Variants in MAP4K4 observed in about 807,000 individuals in gnomAD.
MAP4K4 encodes the protein HPK/GCK-like kinase HGK.
Under a neutral mutation model 189.6 loss-of-function variants are expected in MAP4K4, and 38 were observed. That is an observed-to-expected ratio of 0.20 (90% CI 0.15 to 0.26). The LOEUF (loss-of-function observed/expected upper bound fraction) is 0.26. Among genes scored for constraint, MAP4K4 ranks in the 10% least tolerant of loss-of-function variants. The pLI is 1.00. For missense variants in MAP4K4, 1,054 were observed against 1,726.9 expected, an observed-to-expected ratio of 0.61 and a Z score of 6.91; for synonymous variants, 610 against 624.3, an observed-to-expected ratio of 0.98 and a Z score of 0.34.
At chr2:101,894,621 A>G (rs1577609104) in exon 33 of MAP4K4, 1 of 152,612 alleles carries the variant, frequency 6.6e-6, no homozygotes, top group Admixed American at 6.5e-5. Context: ...TAACTTGTCT[A>G]CTGTGTATTA....
chr2:101,883,716 A>G (rs1442559504), intron 28 of MAP4K4, among the ~76,000 whole-genome samples: 12 of 151,880 alleles, frequency 7.9e-5, no homozygotes. Flanking sequence ...TCTTTTTTCT[A>G]TGTTTATGAA....
intron 2 of MAP4K4, among the ~76,000 whole-genome samples, chr2:101,722,168 C>T (rs188938333): frequency 4.0e-4 from 61 of 152,282 alleles, no homozygotes; most frequent in Middle Eastern, 3.4e-3. Flanking sequence ...AGAGTCCTAA[C>T]CATGTCTGTA....
At chr2:101,795,296 GTTA>G (rs1274867279) in intron 3 of MAP4K4, among the ~76,000 whole-genome samples, 5 of 152,166 alleles carry the variant, frequency 3.3e-5, no homozygotes, top group Non-Finnish European at 7.3e-5. Flanking sequence ...GCTTAGGTTA[GTTA>G]TTATTGCAAA....
intron 2 of MAP4K4, among the ~76,000 whole-genome samples, chr2:101,713,260 C>T (rs571768549): frequency 6.6e-6 from 1 of 152,146 alleles, no homozygotes; most frequent in Admixed American, 6.5e-5. Context: ...AGGTACTTTG[C>T]TATGCCAGTG....
At chr2:101,754,722 T>C (rs759491357) in intron 2 of MAP4K4, among the ~76,000 whole-genome samples, 1 of 152,222 alleles carries the variant, frequency 6.6e-6, no homozygotes, top group Non-Finnish European at 1.5e-5. Flanking sequence ...CTTGGGAATA[T>C]GCCCAGAGAA....
chr2:101,823,488 C>T (rs2096198560), intron 3 of MAP4K4, among the ~76,000 whole-genome samples: 1 of 152,158 alleles, frequency 6.6e-6, no homozygotes, highest in Non-Finnish European at 1.5e-5. Context: ...TAGAGGTAAA[C>T]GTTTTCTGGA....
At chr2:101,766,820 T>A (rs2078841740) in intron 2 of MAP4K4, among the ~76,000 whole-genome samples, 1 of 152,170 alleles carries the variant, frequency 6.6e-6, no homozygotes, top group Non-Finnish European at 1.5e-5. Flanking sequence ...CTTGGCACTT[T>A]GAACAAAGAT....
intron 1 of MAP4K4, 90 bp from the exon 2 acceptor site, chr2:101,698,383 T>A: frequency 8.0e-7 from 1 of 1,244,326 alleles, no homozygotes; most frequent in Non-Finnish European, 1.2e-6. Flanking sequence ...ACCTCTTTTG[T>A]CACCGCCTTT....
chr2:101,747,699 T>C (rs1199078845), intron 2 of MAP4K4, among the ~76,000 whole-genome samples: 2 of 152,148 alleles, frequency 1.3e-5, no homozygotes, highest in Non-Finnish European at 2.9e-5. Flanking sequence ...CTGCCCCCCC[T>C]TCTTAGCTTT....
At chr2:101,846,534 T>C (rs1466797528) in intron 12 of MAP4K4, among the ~76,000 whole-genome samples, 1 of 152,122 alleles carries the variant, frequency 6.6e-6, no homozygotes, top group Non-Finnish European at 1.5e-5. Context: ...AGCCTCTGCA[T>C]GTGGTAGGTG....
At chr2:101,725,481 A>G (rs750138829) in intron 2 of MAP4K4, among the ~76,000 whole-genome samples, 8 of 151,962 alleles carry the variant, frequency 5.3e-5, no homozygotes, top group African/African-American at 7.2e-5. Flanking sequence ...TGTTTATTCT[A>G]TAATCACAAA....
At chr2:101,879,831 CTTT>C (rs60874878) in intron 27 of MAP4K4, among the ~76,000 whole-genome samples, 3 of 124,994 alleles carry the variant, frequency 2.4e-5, no homozygotes, top group Non-Finnish European at 3.4e-5. Context: ...TCAGCTGCTG[CTTT>C]TTTTTTTTTT....
At chr2:101,852,924 C>T (rs2097332202) in intron 12 of MAP4K4, among the ~76,000 whole-genome samples, 1 of 152,180 alleles carries the variant, frequency 6.6e-6, no homozygotes, top group Admixed American at 6.5e-5. Context: ...AGTGTGACTG[C>T]AAGCATGCTC....
At chr2:101,859,614 G>T in intron 14 of MAP4K4, 29 bp from the exon 15 acceptor site, 1 of 1,524,080 alleles carries the variant, frequency 6.6e-7, no homozygotes, top group South Asian at 1.2e-5. Flanking sequence ...GTGTCCCATA[G>T]ATTTAGTGTT....
At chr2:101,813,316 G>A (rs1374925244) in intron 3 of MAP4K4, among the ~76,000 whole-genome samples, 4 of 152,098 alleles carry the variant, frequency 2.6e-5, no homozygotes, top group African/African-American at 9.7e-5. Flanking sequence ...AATGTCAGTA[G>A]TAATATGTAT....
chr2:101,854,234 G>C (rs896034045), intron 12 of MAP4K4, among the ~76,000 whole-genome samples: 13 of 152,266 alleles, frequency 8.5e-5, no homozygotes, highest in African/African-American at 3.1e-4. Context: ...GATTATTTGT[G>C]ATAGGTCCAT....
intron 12 of MAP4K4, among the ~76,000 whole-genome samples, chr2:101,854,279 G>A (rs763452430): frequency 3.9e-5 from 6 of 152,182 alleles, no homozygotes; most frequent in Non-Finnish European, 8.8e-5. Context: ...AGTGAGATGA[G>A]TAATAACACC....
chr2:101,863,769 G>A (rs1319892484), intron 16 of MAP4K4, 52 bp from the exon 17 acceptor site: 10 of 1,264,242 alleles, frequency 7.9e-6, no homozygotes, highest in South Asian at 3.5e-5. Context: ...GACCAGAAAA[G>A]CCAGTTTTAT....
intron 24 of MAP4K4, 94 bp from the exon 25 acceptor site, chr2:101,873,553 A>C (rs1411179982): frequency 1.4e-6 from 1 of 698,324 alleles, no homozygotes; most frequent in Non-Finnish European, 2.5e-6. Context: ...AGTATTGGGA[A>C]ATAGTGCAAT....
Sources: gnomAD v4.1 joint callset for allele counts (sites outside exome capture counted in the v4.1 genomes callset) on GRCh38, gnomAD v4.1.1 for gene constraint, MANE v1.5 for transcripts, NCBI Gene and HGNC (gene_info 2026-07-23, HGNC 2026-07-21) for gene names.